The following HERC1 variants were observed in gnomAD, a reference collection of about 807,000 sequenced individuals.
The protein encoded by HERC1 is HECT and RLD domain containing E3 ubiquitin protein ligase family member 1, also known as probable E3 ubiquitin-protein ligase HERC1.
Under a neutral mutation model 554.3 loss-of-function variants are expected in HERC1, and 160 were observed. The observed-to-expected ratio is 0.29, with a 90% CI of 0.25 to 0.33. The LOEUF (loss-of-function observed/expected upper bound fraction) is 0.33, where lower values mean the gene tolerates loss of function less well. Ranked by LOEUF, HERC1 falls within the 10% of genes least tolerant of loss-of-function variation. HERC1 has a pLI of 1.00. For missense variants in HERC1, 4,919 were observed against 5,918.5 expected, an observed-to-expected ratio of 0.83 and a Z score of 5.54; for synonymous variants, 2,175 against 2,131.7, an observed-to-expected ratio of 1.02 and a Z score of -0.56.
intron 1 of HERC1, 36 bp downstream of exon 1, chr15:63,833,791 A>ACT (rs1567176608): frequency 6.7e-6 from 1 of 150,368 alleles, no homozygotes; most frequent in African/African-American, 2.5e-5. Flanking sequence ...ACACACACAC[A>ACT]GGACCAGGAG....
chr15:63,737,180 G>C (rs1449227025), intron 12 of HERC1, among the ~76,000 whole-genome samples: 2 of 150,950 alleles, frequency 1.3e-5, no homozygotes, highest in Non-Finnish European at 3.0e-5. Context: ...CTAGAATATA[G>C]AATTAAATTT....
chr15:63,757,058 A>G (rs1489644367), intron 4 of HERC1, among the ~76,000 whole-genome samples: 2 of 151,862 alleles, frequency 1.3e-5, no homozygotes, highest in East Asian at 3.9e-4. Flanking sequence ...CAAGACATAA[A>G]GTTTTCCTTC....
chr15:63,659,483 C>T (rs2070237618), intron 47 of HERC1, among the ~76,000 whole-genome samples: 1 of 152,098 alleles, frequency 6.6e-6, no homozygotes, highest in South Asian at 2.1e-4. Context: ...GAACTGCTGG[C>T]CTCAAGCGAC....
At chr15:63,774,365 T>C (rs904989043) in intron 2 of HERC1, among the ~76,000 whole-genome samples, 5 of 152,298 alleles carry the variant, frequency 3.3e-5, no homozygotes, top group Non-Finnish European at 7.3e-5. Flanking sequence ...GGTTTTTTTT[T>C]CTAAAGACCT....
intron 14 of HERC1, among the ~76,000 whole-genome samples, chr15:63,731,506 A>G (rs570456462): frequency 5.6e-4 from 85 of 152,336 alleles, no homozygotes; most frequent in African/African-American, 1.3e-3. Flanking sequence ...ATTTTTGGTC[A>G]TTAACAAATG....
rs770986235 is a variant in HERC1, at chr15:63,733,162, T to A, written c.2647-17A>T. On this transcript the variant is annotated splice_polypyrimidine_tract_variant and intron_variant, in intron 13 of 77. Transcript: ENST00000443617. ...TTGCATTCTCTAAAGAACAATAAAATAGGAACAAGTAACTAGCGTAATATG... is the reference window on the plus strand; with the variant it reads ...TTGCATTCTCTAAAGAACAATAAAAAAGGAACAAGTAACTAGCGTAATATG... The A allele has an allele frequency of 1.3e-6, 2 of 1,534,348 alleles. No homozygotes were observed. The highest frequency in any genetic ancestry group is 2.7e-5 in the African/African-American group (2 of 73,284).
chr15:63,650,321 C>A (rs746309766), intron 53 of HERC1, among the ~76,000 whole-genome samples: 2 of 152,052 alleles, frequency 1.3e-5, no homozygotes, highest in Non-Finnish European at 2.9e-5. Context: ...CTGCAGTGAG[C>A]CGAGATCACG....
rs116611386 is a variant in HERC1 at position 63,687,206 on chromosome 15, G to C, written c.6049-671C>G. ...CAAGGATATACAGGATGAAGGCAGA[G>C]AGACTGACTAATCAGGATATCCCTG... On this transcript the variant is annotated intron_variant, in intron 33 of 77. Transcript: ENST00000443617. 2.3e-3 allele frequency among the ~76,000 whole-genome samples: 348 copies of C among 152,324 alleles called. 1 individual carries two copies. Among genetic ancestry groups the C allele is most frequent in the African/African-American group, 8.0e-3 (334 of 41,580 alleles).
At chr15:63,639,103 T>A (rs940814336) in intron 61 of HERC1, among the ~76,000 whole-genome samples, 1 of 152,156 alleles carries the variant, frequency 6.6e-6, no homozygotes, top group Non-Finnish European at 1.5e-5. Flanking sequence ...GTGGGCAAAT[T>A]ACTTCATCTT....
rs778622796 is a variant in HERC1, at chr15:63,758,266, C to A, written c.1130G>T (p.Trp377Leu). Residue 377 changes from tryptophan (W) to leucine (L), a missense_variant, in exon 4 of 78, where the codon TGG becomes TTG. Coordinates refer to ENST00000443617, the MANE Select transcript of HERC1 (RefSeq NM_003922.4). This position sits in a 1 kb window ranked among gnomAD's most constrained non-coding sequence, Gnocchi z 4.0. The part of the protein sequence containing the change: ...IVSETCEVYV[W>L]GSNSSHQLVE... ...CAACTGATGGCTGCTATTGCTCCCCCAAACATAAACCTCACAGGTTTCGGA... is the reference window on the plus strand; with the variant it reads ...CAACTGATGGCTGCTATTGCTCCCCAAAACATAAACCTCACAGGTTTCGGA... 45 of 1,613,742 alleles carry A rather than the reference C, an allele frequency of 2.8e-5. No homozygotes were observed. Among genetic ancestry groups the A allele is most frequent in the Non-Finnish European group, 1.3e-5 (15 of 1,179,790 alleles).
chr15:63,727,899 A>G lies in HERC1; in HGVS notation c.3155-61T>C, dbSNP rs2140870565. 7.4e-7 allele frequency: 1 copy of G among 1,350,998 alleles called. No homozygotes were observed. Among genetic ancestry groups the G allele is most frequent in the East Asian group, 2.3e-5 (1 of 43,392 alleles). 83.7% of individuals were successfully genotyped at this position (1,350,998 alleles called of 1,614,324 possible). ...CTTCAAATGAACTTTAAAAAAAGGA[A>G]CCTAATAAATATTATTTTAGCTTGG... On this transcript the variant is annotated intron_variant, in intron 16 of 77. Transcript: ENST00000443617. The surrounding 1 kb of genome is among the most constrained non-coding windows in gnomAD (Gnocchi z 4.3).
chr15:63,669,853 A>G (rs1214817120), intron 39 of HERC1, among the ~76,000 whole-genome samples, 155 bp from the exon 40 acceptor site: 1 of 152,256 alleles, frequency 6.6e-6, no homozygotes, highest in Non-Finnish European at 1.5e-5. Flanking sequence ...AGTTTTAAAA[A>G]TGATTATCTC....
intron 25 of HERC1, among the ~76,000 whole-genome samples, chr15:63,702,231 G>A (rs1307709410): frequency 6.6e-6 from 1 of 152,058 alleles, no homozygotes; most frequent in Non-Finnish European, 1.5e-5. Flanking sequence ...GAAAACAAAA[G>A]GAGAAATTTG....
chr15:63,773,386 G>A (rs1234187149), intron 2 of HERC1, among the ~76,000 whole-genome samples: 7 of 146,876 alleles, frequency 4.8e-5, no homozygotes, highest in Non-Finnish European at 6.0e-5. Flanking sequence ...AGAGGTTGCA[G>A]TGAGTGGAGA....
intron 18 of HERC1, 60 bp from the exon 19 acceptor site, chr15:63,723,415 A>T (rs2073903926): frequency 3.6e-6 from 4 of 1,104,918 alleles, no homozygotes; most frequent in Middle Eastern, 2.3e-4. Context: ...TACAGATAAA[A>T]TCTTACCACA....
rs2074425258 is a variant in HERC1 at position 63,734,641 on chromosome 15, T to C, written c.2646+83A>G. On this transcript the variant is annotated intron_variant, in intron 13 of 77. Transcript: ENST00000443617. This position sits in a 1 kb window ranked among gnomAD's most constrained non-coding sequence, Gnocchi z 4.6. ...CAAGTACTTATGCTCCAAGAACACA[T>C]GGCAATTTATTAGTTTTATTTCCTT... is the stretch of plus-strand genomic sequence containing the variant. 5.1e-6 allele frequency: 6 copies of C among 1,182,232 alleles called. No individual in the cohort carries two copies. Among genetic ancestry groups the C allele is most frequent in the Middle Eastern group, 4.0e-4 (2 of 4,988 alleles). 73.2% of individuals were successfully genotyped at this position (1,182,232 alleles called of 1,614,324 possible).
At chr15:63,803,750 C>T (rs2077057379) in intron 1 of HERC1, among the ~76,000 whole-genome samples, 1 of 152,176 alleles carries the variant, frequency 6.6e-6, no homozygotes, top group Non-Finnish European at 1.5e-5. Flanking sequence ...AGAAGCAAAA[C>T]ACTTTTCACA....
chr15:63,732,920 T>C lies in HERC1; in HGVS notation c.2868+4A>G. ...TTTTTTACTACAATGAAAGAACAAC[T>C]TACTGTATAAAATCCTAAATTTCTT... On this transcript the variant is annotated splice_donor_region_variant and intron_variant, in intron 14 of 77. Transcript: ENST00000443617. 1 of 1,573,766 alleles carries C rather than the reference T, an allele frequency of 6.4e-7. No individual in the cohort carries two copies. The highest frequency in any genetic ancestry group is 2.2e-5 in the East Asian group (1 of 44,648).
intron 46 of HERC1, 91 bp from the exon 47 acceptor site, chr15:63,660,027 G>A (rs1595912500): frequency 1.9e-6 from 2 of 1,046,082 alleles, no homozygotes; most frequent in Non-Finnish European, 2.9e-6. Flanking sequence ...CATCTAAAAT[G>A]CAGATGAGCA....
Sources: gnomAD v4.1 joint callset for allele counts (sites outside exome capture counted in the v4.1 genomes callset) on GRCh38, gnomAD v4.1.1 for gene constraint, Gnocchi (gnomAD v3.1) non-coding constraint, MANE v1.5 for transcripts, NCBI Gene and HGNC (gene_info 2026-07-23, HGNC 2026-07-21) for gene names.